Variants in VWA8 observed in about 807,000 individuals in gnomAD.
The protein encoded by VWA8 is von Willebrand factor A domain containing 8.
A neutral mutation model predicts 241.5 loss-of-function variants in VWA8; 221 were observed. The ratio of observed to expected loss-of-function variants is 0.91; its 90% CI spans 0.82 to 1.02. VWA8 has a LOEUF of 1.02. VWA8 is among the 50% of genes least tolerant of loss of function. The probability of loss-of-function intolerance (pLI) is 0.00; values close to 1 mark genes in which losing one functional copy is unlikely to be tolerated. For synonymous variants in VWA8, 852 were observed against 827.1 expected, an observed-to-expected ratio of 1.03 and a Z score of -0.52; for missense variants, 2,322 against 2,328.7, an observed-to-expected ratio of 1.00 and a Z score of 0.06.
intron 1 of VWA8, among the ~76,000 whole-genome samples, chr13:41,950,289 G>C (rs1878066403): frequency 6.6e-6 from 1 of 151,948 alleles, no homozygotes; most frequent in Non-Finnish European, 1.5e-5. Flanking sequence ...TTCATGAATA[G>C]CAACATTAAT....
chr13:41,940,062 G>C (rs1225952939), intron 2 of VWA8, among the ~76,000 whole-genome samples: 1 of 152,120 alleles, frequency 6.6e-6, no homozygotes, highest in Non-Finnish European at 1.5e-5. Flanking sequence ...TAAATAGCTA[G>C]AGACATCGTA....
At chr13:41,627,048 A>G (rs911358143) in intron 37 of VWA8, among the ~76,000 whole-genome samples, 1 of 152,198 alleles carries the variant, frequency 6.6e-6, no homozygotes, top group Non-Finnish European at 1.5e-5. Flanking sequence ...TTCAGAATCT[A>G]TAAGGAACTT....
chr13:41,948,109 C>A (rs1401286276), intron 2 of VWA8, among the ~76,000 whole-genome samples: 1 of 151,900 alleles, frequency 6.6e-6, no homozygotes, highest in African/African-American at 2.4e-5. Context: ...TCACAATAGT[C>A]CGAAAGTGGA....
intron 37 of VWA8, among the ~76,000 whole-genome samples, chr13:41,630,415 G>A (rs2044719227): frequency 6.6e-6 from 1 of 151,690 alleles, no homozygotes; most frequent in Non-Finnish European, 1.5e-5. Flanking sequence ...ACCCAAATCA[G>A]TCTCACCCTC....
chr13:41,762,784 G>A (rs1485964827), intron 20 of VWA8, among the ~76,000 whole-genome samples: 1 of 152,128 alleles, frequency 6.6e-6, no homozygotes, highest in Non-Finnish European at 1.5e-5. Context: ...ACAGGGGGTA[G>A]AAACCACATC....
At chr13:41,600,200 T>C (rs1457996305) in intron 40 of VWA8, among the ~76,000 whole-genome samples, 1 of 152,144 alleles carries the variant, frequency 6.6e-6, no homozygotes, top group Non-Finnish European at 1.5e-5. Context: ...TCTTCATTAA[T>C]TTCTCCTGAC....
chr13:41,825,145 C>A (rs1303413650), intron 14 of VWA8, among the ~76,000 whole-genome samples: 2 of 152,188 alleles, frequency 1.3e-5, no homozygotes, highest in African/African-American at 4.8e-5. Flanking sequence ...ATTTACATAT[C>A]TGTCTTCATG....
intron 20 of VWA8, among the ~76,000 whole-genome samples, chr13:41,777,522 T>C (rs1472255489): frequency 6.6e-6 from 1 of 152,172 alleles, no homozygotes; most frequent in Admixed American, 6.5e-5. Flanking sequence ...TCCTGTACAC[T>C]GTACTGAAGA....
intron 9 of VWA8, among the ~76,000 whole-genome samples, chr13:41,881,120 C>T (rs551887744): frequency 6.6e-6 from 1 of 152,152 alleles, no homozygotes; most frequent in Admixed American, 6.5e-5. Context: ...CAGGTTAAAA[C>T]CAATTACCAT....
At chr13:41,956,912 A>G (rs1566051892) in intron 1 of VWA8, among the ~76,000 whole-genome samples, 1 of 152,214 alleles carries the variant, frequency 6.6e-6, no homozygotes, top group Non-Finnish European at 1.5e-5. Context: ...TAAAACATAC[A>G]TGATCCCATT....
At position 41,694,737 on chromosome 13, in the gene VWA8, G is replaced by A. The variant is rs117982808; in HGVS notation, c.3565-1765C>T. On this transcript the variant is annotated intron_variant, in intron 29 of 44. Coordinates refer to ENST00000379310, the MANE Select transcript of VWA8 (RefSeq NM_015058.2). ...TGTAAGCAAAGGAAGTCCTAAAAAT[G>A]TTTCATGCCCAAAAATGAGTAAGCA... Among the ~76,000 whole-genome samples, 402 of 152,164 alleles carry A rather than the reference G, an allele frequency of 2.6e-3. 1 individual carries two copies. The highest frequency in any genetic ancestry group is 4.7e-3 in the Non-Finnish European group (318 of 67,962).
intron 14 of VWA8, among the ~76,000 whole-genome samples, chr13:41,825,161 T>C (rs992531196): frequency 6.6e-6 from 1 of 152,228 alleles, no homozygotes; most frequent in Non-Finnish European, 1.5e-5. Context: ...TCATGTGTGG[T>C]ACACCACAGA....
At chr13:41,702,065 T>C (rs1374570962) in intron 27 of VWA8, among the ~76,000 whole-genome samples, 4 of 152,216 alleles carry the variant, frequency 2.6e-5, no homozygotes, top group East Asian at 1.9e-4. Flanking sequence ...TTATGAAGGA[T>C]AGAGTATTTC....
intron 2 of VWA8, among the ~76,000 whole-genome samples, chr13:41,938,390 C>T (rs943606104): frequency 5.3e-5 from 8 of 152,114 alleles, no homozygotes; most frequent in African/African-American, 1.9e-4. Flanking sequence ...CAGTGGCTCA[C>T]GCCTGCAATC....
At chr13:41,950,883 G>C in intron 1 of VWA8, among the ~76,000 whole-genome samples, 1 of 148,838 alleles carries the variant, frequency 6.7e-6, no homozygotes. Context: ...TGGCCAGGCT[G>C]GTCTTGAACT....
intron 24 of VWA8, among the ~76,000 whole-genome samples, chr13:41,723,533 G>A (rs1250122746): frequency 6.6e-6 from 1 of 152,172 alleles, no homozygotes; most frequent in Non-Finnish European, 1.5e-5. Context: ...GGTAAGAGAC[G>A]ATGGTGGCTC....
intron 4 of VWA8, among the ~76,000 whole-genome samples, chr13:41,902,255 AT>A (rs1182174203): frequency 2.0e-5 from 3 of 152,166 alleles, no homozygotes. Context: ...TCAAAAGGAG[AT>A]GCTCCTGATA....
chr13:41,625,538 TC>T (rs2044684295), intron 37 of VWA8, among the ~76,000 whole-genome samples: 1 of 152,152 alleles, frequency 6.6e-6, no homozygotes, highest in Non-Finnish European at 1.5e-5. Flanking sequence ...TGAGATACCA[TC>T]TCACACCAGT....
intron 12 of VWA8, among the ~76,000 whole-genome samples, chr13:41,837,044 G>GATAGATAC (rs1871769012): frequency 8.1e-6 from 1 of 124,170 alleles, no homozygotes; most frequent in African/African-American, 3.4e-5. Flanking sequence ...ATGATAGATA[G>GATAGATAC]ATAGATAGAT....
Sources: gnomAD v4.1 joint callset for allele counts (sites outside exome capture counted in the v4.1 genomes callset) on GRCh38, gnomAD v4.1.1 for gene constraint, MANE v1.5 for transcripts, NCBI Gene and HGNC (gene_info 2026-07-23, HGNC 2026-07-21) for gene names.